The following GNG2 variants were observed in gnomAD, a reference collection of about 807,000 sequenced individuals.
GNG2 encodes G protein subunit gamma 2.
A neutral mutation model predicts 5.5 loss-of-function variants in GNG2; 5 were observed. The ratio of observed to expected loss-of-function variants is 0.91; its 90% CI spans 0.48 to 1.92. The LOEUF (loss-of-function observed/expected upper bound fraction) is 1.92. GNG2 is among the 30% of genes most tolerant of loss of function. The pLI is 0.01. For missense variants in GNG2, 55 were observed against 88.4 expected, an observed-to-expected ratio of 0.62 and a Z score of 1.52; for synonymous variants, 28 against 32.0, an observed-to-expected ratio of 0.88 and a Z score of 0.42.
intron 1 of GNG2, among the ~76,000 whole-genome samples, chr14:51,874,579 A>C (rs1883534092): frequency 6.6e-6 from 1 of 152,118 alleles, no homozygotes; most frequent in African/African-American, 2.4e-5. Context: ...GAAAATAAAA[A>C]AAATTAGCTG....
At chr14:51,859,520 G>A (rs929994391), upstream of GNG2, among the ~76,000 whole-genome samples, 1 of 152,148 alleles carries the variant, frequency 6.6e-6, no homozygotes, top group Non-Finnish European at 1.5e-5. Flanking sequence ...TGCCGAATAC[G>A]TCCTATATCC....
At chr14:51,842,305 A>G (rs906248491) in intron 2 of GNG2, among the ~76,000 whole-genome samples, 5 of 152,206 alleles carry the variant, frequency 3.3e-5, no homozygotes, top group African/African-American at 4.8e-5. Flanking sequence ...ATTTTAATAC[A>G]TGTTATTTTG....
chr14:51,942,877 G>T (rs1002737362), intron 2 of GNG2, among the ~76,000 whole-genome samples: 1 of 152,060 alleles, frequency 6.6e-6, no homozygotes, highest in Non-Finnish European at 1.5e-5. Context: ...CTTGGCAGGT[G>T]CTGGCAACTA....
rs530640448 is a variant in GNG2, at chr14:51,923,690, A to G, written c.-29-26960A>G. 7.2e-5 allele frequency among the ~76,000 whole-genome samples: 11 copies of G among 152,314 alleles called. No individual in the cohort carries two copies. In the South Asian group the frequency reaches 1.5e-3, roughly 20 times the overall value. ...TTTCTTAAATGGAGAAATTGCAACC[A>G]TGTGCCAAGATTAATATGGTAAAAG... is the stretch of plus-strand genomic sequence containing the variant. On this transcript the variant is annotated intron_variant, in intron 2 of 3. Transcript: ENST00000556766.
intron 2 of GNG2, among the ~76,000 whole-genome samples, chr14:51,896,812 T>G (rs531418621): frequency 2.3e-4 from 35 of 152,276 alleles, no homozygotes; most frequent in Admixed American, 2.0e-3. Flanking sequence ...AAATGCCACA[T>G]AAAAGATACG....
At chr14:51,875,028 A>C (rs1673931539) in intron 1 of GNG2, among the ~76,000 whole-genome samples, 1 of 152,250 alleles carries the variant, frequency 6.6e-6, no homozygotes, top group Non-Finnish European at 1.5e-5. Flanking sequence ...GAAAAAATAA[A>C]AATGGCTCCA....
At chr14:51,857,429 A>C (rs577701526), upstream of GNG2, among the ~76,000 whole-genome samples, 61 of 152,326 alleles carry the variant, frequency 4.0e-4, no homozygotes, top group Non-Finnish European at 6.5e-4. Context: ...AGGTGACATC[A>C]CAGAAGGCTT....
chr14:51,833,643 G>C lies in GNG2; in HGVS notation c.64+5836G>C, dbSNP rs76917438. ...TAACAGTGCTCAAGAAGTCTTAAAG[G>C]GATTATAATTTGTGGAGTAACAGAT... On this transcript the variant is annotated intron_variant, in intron 2 of 3. Coordinates refer to the GNG2 transcript ENST00000553432. Among the ~76,000 whole-genome samples the C allele has an allele frequency of 4.1e-3, 618 of 152,256 alleles. 2 individuals carry two copies. The highest frequency in any genetic ancestry group is 6.5e-3 in the Non-Finnish European group (442 of 68,028).
intron 1 of GNG2, among the ~76,000 whole-genome samples, chr14:51,867,673 G>A (rs1296692707): frequency 6.6e-6 from 1 of 152,174 alleles, no homozygotes; most frequent in Non-Finnish European, 1.5e-5. Flanking sequence ...CCTAGGATAA[G>A]TTAGTTCCTG....
intron 1 of GNG2, among the ~76,000 whole-genome samples, chr14:51,865,690 T>G (rs183853098): frequency 1.6e-4 from 25 of 151,746 alleles, no homozygotes; most frequent in Non-Finnish European, 1.5e-5. Context: ...TAAAATTGTT[T>G]GTAAGACTAA....
rs1369796882 is a variant in GNG2, at chr14:51,903,771, T to A, written c.-30+26114T>A. On this transcript the variant is annotated intron_variant, in intron 2 of 3. Coordinates refer to ENST00000556766, the MANE Select transcript of GNG2 (RefSeq NM_053064.5). ...GATGTACTCAATATTTTCCCTTGTG[T>A]CCCTGCAAGGTCAGAAAATGAAAAC... 5.3e-5 allele frequency among the ~76,000 whole-genome samples: 8 copies of A among 152,264 alleles called. No individual in the cohort carries two copies. The East Asian group carries it at 1.5e-3, about 29-fold the overall frequency.
chr14:51,913,539 G>C (rs1886418054), intron 2 of GNG2, among the ~76,000 whole-genome samples: 1 of 152,108 alleles, frequency 6.6e-6, no homozygotes, highest in Non-Finnish European at 1.5e-5. Flanking sequence ...AAGTTTATGG[G>C]GGAGAGCGGA....
At chr14:51,853,608 G>T (rs900979368) in intron 2 of GNG2, among the ~76,000 whole-genome samples, 2 of 151,974 alleles carry the variant, frequency 1.3e-5, no homozygotes, top group African/African-American at 2.4e-5. Context: ...ACACTGTCTG[G>T]TCTACATTTT....
chr14:51,861,408 G>A (rs1882470769), intron 1 of GNG2: 1 of 152,226 alleles, frequency 6.6e-6, no homozygotes, highest in South Asian at 2.1e-4. Context: ...TTATCCTAAA[G>A]TTGCATCCTT....
At position 51,889,109 on chromosome 14, in the gene GNG2, C is replaced by CCTTTTTTTTTTTTTTT. The variant is rs1445313036; in HGVS notation, c.-30+11452_-30+11453insCTTTTTTTTTTTTTTT. Reference sequence around the variant, plus strand: ...GACTGCTAATGGGTATGGGTTTGCGCTTTTTTTTTTTTTTTTTTTTTGAGA... The same window carrying CCTTTTTTTTTTTTTTT: ...GACTGCTAATGGGTATGGGTTTGCGCCTTTTTTTTTTTTTTTTTTTTTTTTTTTTTTTTTTTTGAGA... On this transcript the variant is annotated intron_variant, in intron 2 of 3. Coordinates refer to ENST00000556766, the MANE Select transcript of GNG2 (RefSeq NM_053064.5). Among the ~76,000 whole-genome samples, 2 of 118,938 alleles carry CCTTTTTTTTTTTTTTT rather than the reference C, an allele frequency of 1.7e-5. 1 individual carries two copies. The highest frequency in any genetic ancestry group is 3.5e-5 in the Non-Finnish European group (2 of 56,462). The allele number at this position is 118,938 out of a possible 152,430, so 78.0% of individuals were successfully genotyped here.
chr14:51,836,112 T>C (rs1030968625), intron 2 of GNG2, among the ~76,000 whole-genome samples: 1 of 151,766 alleles, frequency 6.6e-6, no homozygotes, highest in Non-Finnish European at 1.5e-5. Flanking sequence ...GGCTGTCTTC[T>C]CATTGTACCT....
chr14:51,965,811 A>G (rs1454143717), intron 3 of GNG2, among the ~76,000 whole-genome samples: 1 of 152,160 alleles, frequency 6.6e-6, no homozygotes, highest in East Asian at 1.9e-4. Context: ...CCTGTGTGGA[A>G]AGCTTGCTAT....
chr14:51,908,726 C>T (rs1390684857), intron 2 of GNG2, among the ~76,000 whole-genome samples: 2 of 118,848 alleles, frequency 1.7e-5, no homozygotes, highest in African/African-American at 3.0e-5. Context: ...TGCGCCACCA[C>T]ACCCAGCTAA....
At chr14:51,891,848 G>T (rs139254069) in intron 2 of GNG2, among the ~76,000 whole-genome samples, 1 of 152,180 alleles carries the variant, frequency 6.6e-6, no homozygotes, top group Non-Finnish European at 1.5e-5. Flanking sequence ...CATTTGGGTT[G>T]TGTCCACCTT....
Sources: gnomAD v4.1 joint callset for allele counts (sites outside exome capture counted in the v4.1 genomes callset) on GRCh38, gnomAD v4.1.1 for gene constraint, MANE v1.5 for transcripts, NCBI Gene and HGNC (gene_info 2026-07-23, HGNC 2026-07-21) for gene names.